COL4A6: variants seen among roughly 807,000 people sequenced by gnomAD.
COL4A6 encodes collagen alpha-6(IV) chain.
Under a neutral mutation model 126.7 loss-of-function variants are expected in COL4A6, and 59 were observed. The ratio of observed to expected loss-of-function variants is 0.47; its 90% CI spans 0.38 to 0.58. The LOEUF is 0.58. Ranked by LOEUF, COL4A6 falls within the 20% of genes least tolerant of loss-of-function variation. The pLI is 0.00. For synonymous variants in COL4A6, 547 were observed against 496.6 expected, an observed-to-expected ratio of 1.10 and a Z score of -1.35; for missense variants, 1,285 against 1,337.3, an observed-to-expected ratio of 0.96 and a Z score of 0.61.
intron 20 of COL4A6, 25 bp from the exon 21 acceptor site, chrX:108,188,702 C>A (rs376531829): frequency 1.8e-6 from 2 of 1,090,743 alleles, no homozygotes; most frequent in Non-Finnish European, 1.2e-6. Context: ...CAACATAGAA[C>A]GAAGTGGGTC....
intron 3 of COL4A6, among the ~76,000 whole-genome samples, chrX:108,272,696 T>A (rs2037486039): frequency 9.0e-6 from 1 of 110,681 alleles, no homozygotes; most frequent in African/African-American, 3.3e-5. Flanking sequence ...AATGCTTTTT[T>A]TTTTTAACCC....
chrX:108,425,507 GA>G (rs1170198749), intron 2 of COL4A6, among the ~76,000 whole-genome samples: 6 of 110,056 alleles, frequency 5.5e-5, no homozygotes, highest in East Asian at 5.7e-4. Context: ...GCTAAGGGGG[GA>G]TGGATCACGA....
At chrX:108,410,285 C>T (rs191981804) in intron 2 of COL4A6, among the ~76,000 whole-genome samples, 1 of 111,731 alleles carries the variant, frequency 9.0e-6, no homozygotes, top group East Asian at 2.8e-4. Context: ...TGATTAATCA[C>T]TTTCACATTT....
intron 2 of COL4A6, among the ~76,000 whole-genome samples, chrX:108,425,590 C>T (rs1217712740): frequency 1.8e-5 from 2 of 109,046 alleles, no homozygotes; most frequent in African/African-American, 6.7e-5. Flanking sequence ...AAAAATTAGC[C>T]GGGCATGGTG....
chrX:108,310,635 T>A, intron 3 of COL4A6, 113 bp downstream of exon 3: 1 of 618,648 alleles, frequency 1.6e-6, no homozygotes, highest in Non-Finnish European at 2.6e-6. Flanking sequence ...CCTCATCACT[T>A]TGCTTGTTCC....
At chrX:108,324,725 G>A (rs768348248) in intron 2 of COL4A6, among the ~76,000 whole-genome samples, 10 of 111,973 alleles carry the variant, frequency 8.9e-5, no homozygotes, top group Admixed American at 2.8e-4. Context: ...GCTTACATGT[G>A]TTGATAAGGC....
chrX:108,284,920 C>T (rs900745723), intron 3 of COL4A6, among the ~76,000 whole-genome samples: 3 of 112,073 alleles, frequency 2.7e-5, no homozygotes, highest in Admixed American at 1.9e-4. Flanking sequence ...GTGTCCATTT[C>T]CTCTTTATAG....
intron 20 of COL4A6, among the ~76,000 whole-genome samples, chrX:108,188,929 C>A (rs2034955338): frequency 8.9e-6 from 1 of 111,893 alleles, no homozygotes; most frequent in African/African-American, 3.2e-5. Context: ...AACCACTGAC[C>A]TCTACTAACC....
chrX:108,433,225 T>C (rs1045655430), intron 2 of COL4A6, among the ~76,000 whole-genome samples: 3 of 112,170 alleles, frequency 2.7e-5, no homozygotes, highest in Non-Finnish European at 3.8e-5. Flanking sequence ...AGGAAAGGGA[T>C]AGATTAAAGA....
chrX:108,215,674 T>C (rs2035839303), intron 5 of COL4A6, among the ~76,000 whole-genome samples: 1 of 111,245 alleles, frequency 9.0e-6, no homozygotes, highest in Admixed American at 9.5e-5. Context: ...CTTGGCTATA[T>C]TCCAAGGAAA....
chrX:108,426,665 A>AC (rs1420174814), intron 2 of COL4A6, among the ~76,000 whole-genome samples: 1 of 112,006 alleles, frequency 8.9e-6, no homozygotes, highest in Non-Finnish European at 1.9e-5. Context: ...TAATTAAACA[A>AC]CTTTTTTTTC....
rs1343745708 is a variant in COL4A6, at chrX:108,289,148, TATAAGGACATCATTGGG to T, written c.144+21583_144+21599del. Among the ~76,000 whole-genome samples, 9 of 110,873 alleles carry T rather than the reference TATAAGGACATCATTGGG, an allele frequency of 8.1e-5. No individual in the cohort carries two copies. In the East Asian group the frequency reaches 2.5e-3, roughly 31 times the overall value. On this transcript the variant is annotated intron_variant, in intron 3 of 44. Transcript: ENST00000334504. ...GGATTCTGCATTGAAAAAACAAAAT[TATAAGGACATCATTGGG>T]ATAACGGGGAAGTTTGACTACAGAC...
At chrX:108,309,864 T>C (rs866532757) in intron 3 of COL4A6, among the ~76,000 whole-genome samples, 8 of 105,196 alleles carry the variant, frequency 7.6e-5, no homozygotes, top group Non-Finnish European at 1.4e-4. Flanking sequence ...GGATCATCCC[T>C]AGTCCAAAAA....
At chrX:108,352,436 G>T (rs2039866901) in intron 2 of COL4A6, among the ~76,000 whole-genome samples, 1 of 112,074 alleles carries the variant, frequency 8.9e-6, no homozygotes, top group Admixed American at 9.4e-5. Flanking sequence ...TCATTTAATG[G>T]ACAAAGAAAC....
chrX:108,194,572 G>T lies in COL4A6; in HGVS notation c.964C>A (p.Leu322Met). Reference sequence around the variant, plus strand: ...AATCCATTAAGCCCAGGAAATCCCAGGGTCCCTTTCTTGCCCTGTGACAGA... The same window carrying T: ...AATCCATTAAGCCCAGGAAATCCCATGGTCCCTTTCTTGCCCTGTGACAGA... ...PPGQQGKKGT[L>M]GFPGLNGFQG... The change falls in exon 16 of 45, where the codon CTG (leucine) becomes ATG (methionine). Residue 322 changes from leucine to methionine, a missense_variant. By Grantham distance (15) the Leu-to-Met change is conservative (BLOSUM62 2). Transcript: ENST00000334504. 8.3e-7 allele frequency: 1 copy of T among 1,210,709 alleles called. No homozygotes were observed. Among genetic ancestry groups the T allele is most frequent in the Non-Finnish European group, 1.1e-6 (1 of 894,879 alleles).
chrX:108,378,621 C>T (rs111337131), intron 2 of COL4A6, among the ~76,000 whole-genome samples: 137 of 112,402 alleles, frequency 1.2e-3, no homozygotes, highest in African/African-American at 4.0e-3. Flanking sequence ...CAATGAAATA[C>T]GGGTAGGATT....
At chrX:108,234,584 A>G (rs1301220318) in intron 3 of COL4A6, among the ~76,000 whole-genome samples, 1 of 112,231 alleles carries the variant, frequency 8.9e-6, no homozygotes, top group African/African-American at 3.2e-5. Flanking sequence ...CATGCTGGAA[A>G]CACAGAAATG....
intron 2 of COL4A6, among the ~76,000 whole-genome samples, chrX:108,426,011 C>G (rs927144356): frequency 9.0e-6 from 1 of 111,191 alleles, no homozygotes; most frequent in South Asian, 3.8e-4. Context: ...TGAGCATGTT[C>G]TGGATATTTA....
chrX:108,192,486 C>A lies in COL4A6; in HGVS notation c.1167G>T (p.Leu389Phe), dbSNP rs749198227. 8.3e-7 allele frequency: 1 copy of A among 1,206,393 alleles called. No homozygotes were observed. Among genetic ancestry groups the A allele is most frequent in the South Asian group, 1.8e-5 (1 of 56,108 alleles). ...AGTTTTTTTCACCTGATAATGCTGGCAATCCAGGGACACCAGAAGGGCCAC... is the reference window on the plus strand; with the variant it reads ...AGTTTTTTTCACCTGATAATGCTGGAAATCCAGGGACACCAGAAGGGCCAC... ...GLRGPSGVPG[L>F]PALSGVPGAL... Residue 389 changes from leucine to phenylalanine, a missense_variant, in exon 18 of 45, where the codon TTG (leucine) becomes TTT (phenylalanine). Leu to Phe is a conservative substitution (Grantham distance 22). Coordinates refer to ENST00000334504, the MANE Select transcript of COL4A6 (RefSeq NM_033641.4).
Sources: gnomAD v4.1 joint callset for allele counts (sites outside exome capture counted in the v4.1 genomes callset) on GRCh38, gnomAD v4.1.1 for gene constraint, MANE v1.5 for transcripts, NCBI Gene and HGNC (gene_info 2026-07-23, HGNC 2026-07-21) for gene names.